Variants in PTGER3 observed in about 807,000 individuals in gnomAD.
PTGER3 encodes the protein prostaglandin E2 receptor EP3 subtype.
In PTGER3, 22 loss-of-function variants were observed where a neutral mutation model predicts 34.7. The observed-to-expected ratio is 0.63, with a 90% confidence interval of 0.45 to 0.91. The LOEUF is 0.91. PTGER3 is among the 40% of genes least tolerant of loss of function. PTGER3 has a pLI of 0.00. For missense variants in PTGER3, 468 were observed against 519.4 expected, an observed-to-expected ratio of 0.90 and a Z score of 0.96; for synonymous variants, 241 against 230.1, an observed-to-expected ratio of 1.05 and a Z score of -0.43.
At chr1:70,935,415 C>T (rs1346726438) in intron 4 of PTGER3, among the ~76,000 whole-genome samples, 1 of 151,806 alleles carries the variant, frequency 6.6e-6, no homozygotes, top group African/African-American at 2.4e-5. Flanking sequence ...ATAAATATAT[C>T]AATATACTAT....
At chr1:70,997,053 A>C (rs1002360848) in intron 2 of PTGER3, 1 of 152,186 alleles carries the variant, frequency 6.6e-6, no homozygotes, top group African/African-American at 2.4e-5. Context: ...GGACAGATCA[A>C]TTGAGGTTGG....
chr1:70,902,162 C>A (rs1646854144), intron 4 of PTGER3, among the ~76,000 whole-genome samples: 1 of 152,038 alleles, frequency 6.6e-6, no homozygotes, highest in Non-Finnish European at 1.5e-5. Context: ...ATTACTGCCA[C>A]CACAATAATA....
chr1:71,000,358 T>G (rs1369600047), intron 2 of PTGER3, among the ~76,000 whole-genome samples: 1 of 152,222 alleles, frequency 6.6e-6, no homozygotes, highest in Non-Finnish European at 1.5e-5. Flanking sequence ...GAGAATTTGA[T>G]AACATACGAA....
intron 2 of PTGER3, among the ~76,000 whole-genome samples, chr1:70,957,068 G>A (rs767352260): frequency 5.3e-5 from 8 of 152,146 alleles, no homozygotes; most frequent in Non-Finnish European, 8.8e-5. Flanking sequence ...GGACAGAATC[G>A]TAAATTAAAA....
intron 2 of PTGER3, among the ~76,000 whole-genome samples, chr1:71,000,173 T>C (rs546197013): frequency 2.6e-5 from 4 of 152,252 alleles, no homozygotes; most frequent in African/African-American, 9.6e-5. Flanking sequence ...CTAATCACAG[T>C]AGTAATTATT....
chr1:71,037,696 G>A (rs548893052), intron 1 of PTGER3, among the ~76,000 whole-genome samples: 4 of 152,180 alleles, frequency 2.6e-5, no homozygotes, highest in Admixed American at 2.0e-4. Flanking sequence ...GTCGTTAATC[G>A]TTTTATCTTA....
chr1:70,932,686 C>T (rs1648826084), intron 4 of PTGER3, among the ~76,000 whole-genome samples: 1 of 152,140 alleles, frequency 6.6e-6, no homozygotes. Flanking sequence ...TTTATATTAT[C>T]TCCCACCTGG....
chr1:70,955,006 A>T (rs542385926), intron 2 of PTGER3, among the ~76,000 whole-genome samples: 31 of 152,298 alleles, frequency 2.0e-4, no homozygotes, highest in Admixed American at 7.8e-4. Context: ...CTAAGATTTT[A>T]GTCTCATCAT....
Position 70,971,259 on chromosome 1 carries a change from T to G in PTGER3, c.*471A>C. The G allele has an allele frequency of 3.0e-6, 3 of 985,664 alleles. No homozygotes were observed. The highest frequency in any genetic ancestry group is 3.6e-6 in the Non-Finnish European group (3 of 830,082). 61.1% of individuals were successfully genotyped at this position (985,664 alleles called of 1,614,324 possible). ...GCCCTCATTTGCTTTTATATGTCGT[T>G]AAGTTCATATCCTATTAATTGAATT... is the stretch of plus-strand genomic sequence containing the variant. On this transcript the variant is annotated 3_prime_UTR_variant, in exon 4 of 4. Coordinates refer to ENST00000306666, the MANE Select transcript of PTGER3 (RefSeq NM_198719.2).
rs1646442869 is a variant in PTGER3, at chr1:70,883,846, T to C, written c.*24-30987A>G. 1.5e-5 allele frequency: 3 copies of C among 206,172 alleles called. No individual in the cohort carries two copies. The South Asian group carries it at 1.9e-4, about 13-fold the overall frequency. 12.8% of individuals were successfully genotyped at this position (206,172 alleles called of 1,614,324 possible). A position where few individuals can be genotyped will look rare whatever the true frequency, so the allele number is the denominator to read the frequency against. On this transcript the variant is annotated intron_variant, in intron 4 of 4. Transcript: ENST00000370931. ...GGGAGGCCAAGGTGGGTGGGTTACT[T>C]GAGGTCAGGTGTTCAAGACCAGCCT...
chr1:70,868,972 C>G (rs1266280352), intron 4 of PTGER3, among the ~76,000 whole-genome samples: 1 of 151,956 alleles, frequency 6.6e-6, no homozygotes, highest in Non-Finnish European at 1.5e-5. Context: ...GAAGCTGGTT[C>G]CCCAGAAGCC....
At chr1:70,977,877 G>A (rs1173528127) in intron 2 of PTGER3, among the ~76,000 whole-genome samples, 1 of 152,104 alleles carries the variant, frequency 6.6e-6, no homozygotes, top group African/African-American at 2.4e-5. Flanking sequence ...GTGACATGCA[G>A]TCTCAGGTGC....
At chr1:70,963,061 C>T (rs1435274198) in intron 2 of PTGER3, among the ~76,000 whole-genome samples, 3 of 152,180 alleles carry the variant, frequency 2.0e-5, no homozygotes, top group Non-Finnish European at 4.4e-5. Context: ...GCAGGCCCCA[C>T]CCAATTATGA....
At chr1:70,947,909 T>C (rs1234040093), downstream of PTGER3, among the ~76,000 whole-genome samples, 1 of 152,178 alleles carries the variant, frequency 6.6e-6, no homozygotes, top group Non-Finnish European at 1.5e-5. Context: ...GAATGGGTGT[T>C]TGTGGCTGGG....
exon 4 of PTGER3, chr1:70,953,022 G>A (rs750522512): frequency 5.0e-6 from 8 of 1,610,852 alleles, no homozygotes; most frequent in African/African-American, 1.3e-5. Context: ...ATGTGCAGTT[G>A]CCCTCTGTAT....
chr1:71,009,017 G>C (rs1657213824), intron 2 of PTGER3: 1 of 984,032 alleles, frequency 1.0e-6, no homozygotes, highest in African/African-American at 1.8e-5. Context: ...CTTTTTCTGA[G>C]TTGATCTCAA....
chr1:70,953,115 A>G, intron 3 of PTGER3: 5 of 1,393,696 alleles, frequency 3.6e-6, no homozygotes, highest in Non-Finnish European at 4.8e-6. Context: ...ACAATATGAA[A>G]ATAAAAATAA....
At chr1:70,920,355 G>A (rs1377014052) in intron 4 of PTGER3, among the ~76,000 whole-genome samples, 1 of 152,114 alleles carries the variant, frequency 6.6e-6, no homozygotes, top group African/African-American at 2.4e-5. Flanking sequence ...ATGAAGAACT[G>A]GAGAGATTTC....
At chr1:70,908,153 G>A (rs1398259889) in intron 4 of PTGER3, among the ~76,000 whole-genome samples, 1 of 152,186 alleles carries the variant, frequency 6.6e-6, no homozygotes, top group Non-Finnish European at 1.5e-5. Flanking sequence ...ACCTCCCAGG[G>A]TGTGGAATAC....
Sources: gnomAD v4.1 joint callset for allele counts (sites outside exome capture counted in the v4.1 genomes callset) on GRCh38, gnomAD v4.1.1 for gene constraint, MANE v1.5 for transcripts, NCBI Gene and HGNC (gene_info 2026-07-23, HGNC 2026-07-21) for gene names.